Variants in CASP10 observed in about 807,000 individuals in gnomAD.
CASP10 encodes the protein caspase-10.
In CASP10, 41 loss-of-function variants were observed where a neutral mutation model predicts 48.5. That is an observed-to-expected ratio of 0.85 (90% CI 0.66 to 1.10). The LOEUF (loss-of-function observed/expected upper bound fraction) is 1.10. Ranked by LOEUF, CASP10 falls within the 50% of genes least tolerant of loss-of-function variation. CASP10 has a pLI of 0.00. For synonymous variants in CASP10, 232 were observed against 238.4 expected (o/e 0.97, Z 0.25); for missense variants, 614 against 614.5 (o/e 1.00, Z 0.01).
At chr2:201,190,784 TG>T (rs769469850) in intron 3 of CASP10, among the ~76,000 whole-genome samples, 4 of 150,746 alleles carry the variant, frequency 2.7e-5, no homozygotes, top group Admixed American at 6.6e-5. Context: ...AGCTGGAAAA[TG>T]TTTTTTTTTC....
Position 201,218,900 on chromosome 2 carries a change from A to G in CASP10, c.*1159A>G. On this transcript the variant is annotated 3_prime_UTR_variant, in exon 10 of 10. Transcript: ENST00000286186. The stretch of plus-strand genomic sequence containing the variant: ...AGGAAGTTTTTATTTGGTTAGAGAC[A>G]GGTTTCCCTGTAGGAAGATGATGGC... 2.0e-6 allele frequency: 2 copies of G among 985,472 alleles called. No individual in the cohort carries two copies. The highest frequency in any genetic ancestry group is 2.4e-6 in the Non-Finnish European group (2 of 829,952). The allele number at this position is 985,472 out of a possible 1,614,324, so 61.0% of individuals were successfully genotyped here. A position where few individuals can be genotyped will look rare whatever the true frequency, so the allele number is the denominator to read the frequency against.
intron 5 of CASP10, 141 bp from the exon 6 acceptor site, chr2:201,203,589 G>T (rs975057700): frequency 6.6e-6 from 5 of 762,056 alleles, no homozygotes; most frequent in Non-Finnish European, 1.2e-5. Flanking sequence ...TTACAGGCAT[G>T]AGCCACCGCA....
chr2:201,222,900 A>C (rs562695418), downstream of CASP10, among the ~76,000 whole-genome samples: 1 of 152,204 alleles, frequency 6.6e-6, no homozygotes, highest in Non-Finnish European at 1.5e-5. Context: ...TTTTTGTGCC[A>C]TACATGATTC....
intron 9 of CASP10, among the ~76,000 whole-genome samples, chr2:201,215,774 T>C (rs1028789662): frequency 6.6e-6 from 1 of 152,160 alleles, no homozygotes; most frequent in African/African-American, 2.4e-5. Context: ...AGGGTTTTTT[T>C]CCCTATTTAT....
Position 201,221,658 on chromosome 2 carries a change from C to T in CASP10, c.*3917C>T, listed in dbSNP as rs917648366. The T allele has an allele frequency of 2.0e-5, 3 of 152,214 alleles. No individual in the cohort carries two copies. The East Asian group carries it at 5.8e-4, about 29-fold the overall frequency. The allele number at this position is 152,214 out of a possible 1,614,324, so 9.4% of individuals were successfully genotyped here. ...CAGGTGATTAAAAAGCTTTATTGCT[C>T]ACACAAAGCCTGTTTGGTTGTCTCT... is the stretch of plus-strand genomic sequence containing the variant. On this transcript the variant is annotated 3_prime_UTR_variant, in exon 10 of 10. Transcript: ENST00000286186.
In CASP10 at chr2:201,229,186, G is replaced by T. The variant is rs1167717660; in HGVS notation, c.*103G>T. On this transcript the variant is annotated 3_prime_UTR_variant, in exon 10 of 10. Coordinates refer to the CASP10 transcript ENST00000272879. ...ACCTCCCTTTACAGCACCACCTTGC[G>T]ATTCTGCAGCCACAAAGTTGAGACT... 3 of 1,421,962 alleles carry T rather than the reference G, an allele frequency of 2.1e-6. No individual in the cohort carries two copies. The African/African-American group carries it at 4.2e-5, about 20-fold the overall frequency. 88.1% of individuals were successfully genotyped at this position (1,421,962 alleles called of 1,614,324 possible).
Position 201,195,870 on chromosome 2 carries a change from C to T in CASP10, c.606C>T (p.Asp202=), listed in dbSNP as rs748679960. 88 of 1,613,688 alleles carry T rather than the reference C, an allele frequency of 5.5e-5. 3 individuals carry two copies. The South Asian group carries it at 9.4e-4, about 17-fold the overall frequency. Reference sequence around the variant, plus strand: ...TCCAGATAGTGACACCTCCTGTAGACAAGGAAGCCGAGTCGTATCAAGGAG... The same window carrying T: ...TCCAGATAGTGACACCTCCTGTAGATAAGGAAGCCGAGTCGTATCAAGGAG... The part of the protein sequence containing the change: ...KAIQIVTPPV[D]KEAESYQGEE... The change falls in exon 5 of 10, where the codon GAC becomes GAT. Residue 202 remains aspartate, a synonymous_variant. Transcript: ENST00000286186.
At chr2:201,198,633 C>T (rs1170008495) in intron 5 of CASP10, among the ~76,000 whole-genome samples, 9 of 150,822 alleles carry the variant, frequency 6.0e-5, no homozygotes, top group South Asian at 2.1e-4. Context: ...CTCCGCCTCC[C>T]GTGTTCACAC....
Position 201,195,864 on chromosome 2 carries a change from T to A in CASP10, c.600T>A (p.Pro200=), listed in dbSNP as rs961213763. The A allele has an allele frequency of 6.2e-7, 1 of 1,613,546 alleles. No individual in the cohort carries two copies. The highest frequency in any genetic ancestry group is 8.5e-7 in the Non-Finnish European group (1 of 1,179,598). The stretch of plus-strand genomic sequence containing the variant: ...CAGCTATCCAGATAGTGACACCTCC[T>A]GTAGACAAGGAAGCCGAGTCGTATC... ...REKAIQIVTP[P]VDKEAESYQG... is the part of the protein sequence containing the mutation. The change falls in exon 5 of 10, where the codon CCT becomes CCA. Residue 200 remains proline, a synonymous_variant. Transcript: ENST00000286186.
chr2:201,207,396 G>A (rs184040340), intron 7 of CASP10, among the ~76,000 whole-genome samples: 2 of 152,172 alleles, frequency 1.3e-5, no homozygotes, highest in Admixed American at 1.3e-4. Flanking sequence ...TGAGGTGGGC[G>A]AATCACTTGA....
chr2:201,200,348 G>A (rs1051679333), intron 5 of CASP10: 14 of 1,168,926 alleles, frequency 1.2e-5, no homozygotes, highest in African/African-American at 9.1e-5. Context: ...TATGTTGGTT[G>A]TAAAACAATG....
At chr2:201,206,124 C>T (rs557617783) in intron 7 of CASP10, 151 bp downstream of exon 7, 9 of 588,948 alleles carry the variant, frequency 1.5e-5, no homozygotes, top group African/African-American at 9.4e-5. Flanking sequence ...CTTGTTTCTC[C>T]CTCTCTCTGT....
At chr2:201,204,057 T>A (rs1945120727) in intron 6 of CASP10, among the ~76,000 whole-genome samples, 1 of 152,168 alleles carries the variant, frequency 6.6e-6, no homozygotes, top group African/African-American at 2.4e-5. Context: ...GGCCACCCTC[T>A]GTGCAGCAGA....
At position 201,218,910 on chromosome 2, in the gene CASP10, G is replaced by C. The variant is rs185024061; in HGVS notation, c.*1169G>C. ...TATTTGGTTAGAGACAGGTTTCCCT[G>C]TAGGAAGATGATGGCTCATTTACAC... is the stretch of plus-strand genomic sequence containing the variant. On this transcript the variant is annotated 3_prime_UTR_variant, in exon 10 of 10. Coordinates refer to ENST00000286186, the MANE Select transcript of CASP10 (RefSeq NM_032977.4). 1.5e-5 allele frequency: 15 copies of C among 985,456 alleles called. No individual in the cohort carries two copies. In the African/African-American group the frequency reaches 1.9e-4, roughly 13 times the overall value. The allele number at this position is 985,456 out of a possible 1,614,324, so 61.0% of individuals were successfully genotyped here.
Position 201,203,570 on chromosome 2 carries a change from G to A in CASP10, c.685-160G>A, listed in dbSNP as rs41509046. ...GATCCACCTGCCTTGGCCTCCCAAA[G>A]TGCTGGGATTACAGGCATGAGCCAC... On this transcript the variant is annotated intron_variant, in intron 5 of 9. Coordinates refer to ENST00000286186, the MANE Select transcript of CASP10 (RefSeq NM_032977.4). 1.7e-3 allele frequency among the ~76,000 whole-genome samples: 259 copies of A among 152,242 alleles called. 5 individuals carry two copies. In the East Asian group the frequency reaches 0.043, roughly 26 times the overall value.
intron 5 of CASP10, among the ~76,000 whole-genome samples, chr2:201,203,271 G>A (rs1945083656): frequency 6.6e-6 from 1 of 151,618 alleles, no homozygotes; most frequent in Non-Finnish European, 1.5e-5. Context: ...TGGATGGAGA[G>A]AGTTGGTTCT....
rs1945617320 is a variant in CASP10 at position 201,217,719 on chromosome 2, C to T, written c.1547C>T (p.Pro516Leu). 6.2e-7 allele frequency: 1 copy of T among 1,613,884 alleles called. No homozygotes were observed. Among genetic ancestry groups the T allele is most frequent in the African/African-American group, 1.3e-5 (1 of 74,896 alleles). The change falls in exon 10 of 10, where the codon CCC (proline) becomes CTC (leucine). Residue 516 changes from proline (P) to leucine (L), a missense_variant. Physicochemically the swap from Pro to Leu is moderately conservative, Grantham distance 98. Transcript: ENST00000286186. ...AGGAAAAAACTAGTATTCCCTGTGC[C>T]CCTGGATGCACTTTCATTATAGCAG... ...TLRKKLVFPV[P>L]LDALSL
Position 201,218,920 on chromosome 2 carries a change from G to T in CASP10, c.*1179G>T. 1.0e-6 allele frequency: 1 copy of T among 985,456 alleles called. No homozygotes were observed. Among genetic ancestry groups the T allele is most frequent in the Non-Finnish European group, 1.2e-6 (1 of 829,956 alleles). The allele number at this position is 985,456 out of a possible 1,614,324, so 61.0% of individuals were successfully genotyped here. A position where few individuals can be genotyped will look rare whatever the true frequency, so the allele number is the denominator to read the frequency against. On this transcript the variant is annotated 3_prime_UTR_variant, in exon 10 of 10. Transcript: ENST00000286186. ...GAGACAGGTTTCCCTGTAGGAAGAT[G>T]ATGGCTCATTTACACTCAGCTGCTC...
downstream of CASP10, among the ~76,000 whole-genome samples, chr2:201,225,514 C>T (rs1945776662): frequency 1.3e-5 from 2 of 152,198 alleles, no homozygotes; most frequent in Admixed American, 1.3e-4. Context: ...GTCTGTTTTA[C>T]TAATCATCGA....
Sources: allele counts gnomAD v4.1 joint callset (sites outside exome capture counted in the v4.1 genomes callset), GRCh38; gene constraint gnomAD v4.1.1; transcripts MANE v1.5; gene names NCBI Gene and HGNC (gene_info 2026-07-23, HGNC 2026-07-21).